Variants in ELMOD1 observed in about 807,000 individuals in gnomAD.
ELMOD1 encodes the protein ELMO domain-containing protein 1.
A neutral mutation model predicts 46.7 loss-of-function variants in ELMOD1; 21 were observed. The observed-to-expected ratio is 0.45, with a 90% CI of 0.32 to 0.65. The LOEUF is 0.65. Ranked by LOEUF, ELMOD1 falls within the 30% of genes least tolerant of loss-of-function variation. The pLI, the probability that ELMOD1 is intolerant of heterozygous loss-of-function variation, is 0.04. For synonymous variants in ELMOD1, 122 were observed against 138.2 expected (o/e 0.88, Z 0.82); for missense variants, 348 against 407.8 (o/e 0.85, Z 1.26).
chr11:107,655,119 T>C (rs1209587420), intron 10 of ELMOD1, among the ~76,000 whole-genome samples: 2 of 151,160 alleles, frequency 1.3e-5, no homozygotes, highest in African/African-American at 4.9e-5. Context: ...CTCATGTTAA[T>C]ATTTTGTGGC....
intron 4 of ELMOD1, among the ~76,000 whole-genome samples, chr11:107,631,247 A>G (rs957919711): frequency 2.2e-4 from 33 of 152,106 alleles, no homozygotes; most frequent in Non-Finnish European, 2.9e-5. Context: ...AGTCATAAAC[A>G]TAATACCCCT....
At chr11:107,623,743 CT>C (rs1490151732) in intron 2 of ELMOD1, 55 of 152,266 alleles carry the variant, frequency 3.6e-4, no homozygotes, top group African/African-American at 1.2e-3. Context: ...CCTTGCTAGA[CT>C]ACAAGCTCCT....
intron 2 of ELMOD1, among the ~76,000 whole-genome samples, chr11:107,622,923 A>G: frequency 6.6e-6 from 1 of 152,206 alleles, no homozygotes; most frequent in Admixed American, 6.5e-5. Context: ...ATGTGTGCAT[A>G]TATATGACAC....
intron 7 of ELMOD1, among the ~76,000 whole-genome samples, chr11:107,649,319 C>T (rs973166141): frequency 5.3e-5 from 8 of 151,862 alleles, no homozygotes; most frequent in Non-Finnish European, 8.8e-5. Flanking sequence ...CTTAAAGACA[C>T]GAGCAAAAAA....
At chr11:107,625,742 T>C (rs1375598647) in intron 2 of ELMOD1, among the ~76,000 whole-genome samples, 3 of 152,228 alleles carry the variant, frequency 2.0e-5, no homozygotes, top group Non-Finnish European at 4.4e-5. Flanking sequence ...GAATGTTAAA[T>C]AATAAACGTG....
chr11:107,603,212 G>A (rs1865631983), intron 1 of ELMOD1, among the ~76,000 whole-genome samples: 1 of 152,186 alleles, frequency 6.6e-6, no homozygotes, highest in African/African-American at 2.4e-5. Flanking sequence ...AAAAGATGGA[G>A]AAGGAGACAT....
chr11:107,641,617 C>T (rs1460041125), intron 6 of ELMOD1, among the ~76,000 whole-genome samples: 1 of 152,130 alleles, frequency 6.6e-6, no homozygotes, highest in African/African-American at 2.4e-5. Flanking sequence ...GTGGGAACAT[C>T]ATTTACATGC....
At chr11:107,632,344 G>T (rs1204057219) in intron 5 of ELMOD1, among the ~76,000 whole-genome samples, 1 of 152,196 alleles carries the variant, frequency 6.6e-6, no homozygotes, top group African/African-American at 2.4e-5. Context: ...ATTTAGAGAA[G>T]GTTTTAGGTT....
At chr11:107,644,916 TTTTG>T (rs1565385761) in intron 6 of ELMOD1, among the ~76,000 whole-genome samples, 307 of 118,288 alleles carry the variant, frequency 2.6e-3, no homozygotes, top group African/African-American at 9.7e-3. Context: ...GGGTTTTTGT[TTTTG>T]TTTTTGTTTT....
In ELMOD1 at chr11:107,616,910, T is replaced by C. The variant is rs1243193577; in HGVS notation, c.-85-1195T>C. Among the ~76,000 whole-genome samples the C allele has an allele frequency of 3.3e-5, 5 of 152,248 alleles. No homozygotes were observed. The East Asian group carries it at 9.6e-4, about 29-fold the overall frequency. On this transcript the variant is annotated intron_variant, in intron 1 of 11. Coordinates refer to ENST00000265840, the MANE Select transcript of ELMOD1 (RefSeq NM_018712.4). ...TTATTGTTGAATGTATTAGAAATTA[T>C]GATCCGAGTGTTGGGTGGGAACTAA...
chr11:107,618,109 C>T lies in ELMOD1; in HGVS notation c.-81C>T. On this transcript the variant is annotated 5_prime_UTR_variant, in exon 2 of 12. Transcript: ENST00000265840. The stretch of plus-strand genomic sequence containing the variant: ...ATATCTAATTTCTTCCCACAGTTGA[C>T]ACTTACTTTGACAAAGGCAAATTTG... 6.9e-7 allele frequency: 1 copy of T among 1,446,770 alleles called. No homozygotes were observed. Among genetic ancestry groups the T allele is most frequent in the Non-Finnish European group, 9.5e-7 (1 of 1,051,636 alleles). 89.6% of individuals were successfully genotyped at this position (1,446,770 alleles called of 1,614,324 possible).
At chr11:107,626,601 TC>T (rs1450966453) in intron 2 of ELMOD1, among the ~76,000 whole-genome samples, 3 of 76,768 alleles carry the variant, frequency 3.9e-5, no homozygotes, top group African/African-American at 1.1e-4. Context: ...TTCCTTCTTA[TC>T]TTCTTTCCTT....
At chr11:107,652,175 T>C (rs2135710818) in intron 9 of ELMOD1, among the ~76,000 whole-genome samples, 1 of 152,332 alleles carries the variant, frequency 6.6e-6, no homozygotes, top group Non-Finnish European at 1.5e-5. Context: ...TGATGTCTGA[T>C]AAAAGTATAT....
At chr11:107,632,410 T>C in intron 5 of ELMOD1, among the ~76,000 whole-genome samples, 1 of 152,202 alleles carries the variant, frequency 6.6e-6, no homozygotes, top group East Asian at 1.9e-4. Flanking sequence ...AGATGTTACC[T>C]TTGAGAAAGG....
intron 1 of ELMOD1, among the ~76,000 whole-genome samples, chr11:107,605,769 C>A (rs1865675159): frequency 1.3e-5 from 2 of 152,186 alleles, no homozygotes; most frequent in Admixed American, 1.3e-4. Flanking sequence ...CAGTGTTTTT[C>A]AGGCTAGTCA....
At chr11:107,659,328 T>G (rs1175045431) in intron 11 of ELMOD1, among the ~76,000 whole-genome samples, 1 of 152,058 alleles carries the variant, frequency 6.6e-6, no homozygotes, top group African/African-American at 2.4e-5. Flanking sequence ...GGAAGTAGTT[T>G]TGAGGGAAGG....
chr11:107,621,222 C>T (rs539040289), intron 2 of ELMOD1, among the ~76,000 whole-genome samples: 1 of 152,264 alleles, frequency 6.6e-6, no homozygotes, highest in South Asian at 2.1e-4. Context: ...AGTTTCTTGG[C>T]CCTGCATCTC....
rs746890763 is a variant in ELMOD1, at chr11:107,655,573, C to CTTTTTTTTTTTTTTT, written c.699-359_699-345dup. Reference sequence around the variant, plus strand: ...ATCAGATTACCCATTATTGAAATGCCTTTTTTTTTTTTTTTGTAAAGTGAA... The same window carrying CTTTTTTTTTTTTTTT: ...ATCAGATTACCCATTATTGAAATGCCTTTTTTTTTTTTTTTTTTTTTTTTTTTTTTGTAAAGTGAA... On this transcript the variant is annotated intron_variant, in intron 10 of 11. Transcript: ENST00000265840. Among the ~76,000 whole-genome samples, 297 of 112,432 alleles carry CTTTTTTTTTTTTTTT rather than the reference C, an allele frequency of 2.6e-3. 16 individuals carry two copies. Among genetic ancestry groups the CTTTTTTTTTTTTTTT allele is most frequent in the East Asian group, 0.01 (32 of 3,140 alleles). The allele number at this position is 112,432 out of a possible 152,430, so 73.8% of individuals were successfully genotyped here. A position where few individuals can be genotyped will look rare whatever the true frequency, so the allele number is the denominator to read the frequency against.
chr11:107,592,517 T>C, intron 1 of ELMOD1: 1 of 500,864 alleles, frequency 2.0e-6, no homozygotes, highest in Non-Finnish European at 4.2e-6. Flanking sequence ...ATGCTTGTAT[T>C]GGGATAAATG....
Sources: gnomAD v4.1 joint callset for allele counts (sites outside exome capture counted in the v4.1 genomes callset) on GRCh38, gnomAD v4.1.1 for gene constraint, MANE v1.5 for transcripts, NCBI Gene and HGNC (gene_info 2026-07-23, HGNC 2026-07-21) for gene names.